The following FNBP1 variants were observed in gnomAD, a reference collection of about 807,000 sequenced individuals.
FNBP1 encodes formin-binding protein 1.
A neutral mutation model predicts 90.6 loss-of-function variants in FNBP1; 26 were observed. That is an observed-to-expected ratio of 0.29 (90% CI 0.21 to 0.40). The LOEUF (loss-of-function observed/expected upper bound fraction) is 0.40. Among genes scored for constraint, FNBP1 ranks in the 10% least tolerant of loss-of-function variants. The pLI, the probability that FNBP1 is intolerant of heterozygous loss-of-function variation, is 1.00. For synonymous variants in FNBP1, 260 were observed against 265.2 expected, an observed-to-expected ratio of 0.98 and a Z score of 0.19; for missense variants, 635 against 768.0, an observed-to-expected ratio of 0.83 and a Z score of 2.05.
At chr9:129,925,589 C>CTTTTTTTTTTTT (rs576015094) in intron 8 of FNBP1, among the ~76,000 whole-genome samples, 1 of 67,114 alleles carries the variant, frequency 1.5e-5, no homozygotes, top group African/African-American at 5.8e-5. Flanking sequence ...TTCCTAGTAG[C>CTTTTTTTTTTTT]TTTTTTTTTT....
chr9:129,915,938 A>C (rs752976744), intron 11 of FNBP1, 28 bp downstream of exon 11: 1 of 1,583,616 alleles, frequency 6.3e-7, no homozygotes, highest in Non-Finnish European at 8.7e-7. Context: ...GATTAGACTC[A>C]GGACATGCAT....
At chr9:129,924,457 T>C (rs2041582679) in intron 9 of FNBP1, among the ~76,000 whole-genome samples, 1 of 152,240 alleles carries the variant, frequency 6.6e-6, no homozygotes, top group African/African-American at 2.4e-5. Flanking sequence ...GTTAAAGCAG[T>C]AATGCTGCCT....
At chr9:129,990,516 A>G (rs1171501625) in intron 2 of FNBP1, among the ~76,000 whole-genome samples, 1 of 152,238 alleles carries the variant, frequency 6.6e-6, no homozygotes, top group Non-Finnish European at 1.5e-5. Context: ...GTATGGTTAC[A>G]GCAGAGAGGA....
At chr9:129,919,079 G>T in intron 10 of FNBP1, 1 of 472,860 alleles carries the variant, frequency 2.1e-6, no homozygotes, top group African/African-American at 2.0e-5. Flanking sequence ...AAGTGCCTCT[G>T]GGTCCCCAGT....
chr9:130,009,572 G>T (rs1194579589), intron 1 of FNBP1, among the ~76,000 whole-genome samples: 1 of 152,082 alleles, frequency 6.6e-6, no homozygotes. Flanking sequence ...GGAGACCAAG[G>T]CGGGCGGATC....
intron 1 of FNBP1, among the ~76,000 whole-genome samples, chr9:130,038,583 G>C (rs1483225790): frequency 1.3e-5 from 2 of 151,912 alleles, no homozygotes; most frequent in Non-Finnish European, 2.9e-5. Context: ...TTTTAGTAGA[G>C]ATGGGGTTTC....
At chr9:129,910,999 C>T (rs963597728) in intron 11 of FNBP1, among the ~76,000 whole-genome samples, 1 of 152,168 alleles carries the variant, frequency 6.6e-6, no homozygotes, top group East Asian at 1.9e-4. Flanking sequence ...ACTTGTTTTC[C>T]GTATACTATG....
chr9:129,991,548 G>A (rs74648997), intron 2 of FNBP1, among the ~76,000 whole-genome samples: 1 of 152,128 alleles, frequency 6.6e-6, no homozygotes, highest in Non-Finnish European at 1.5e-5. Context: ...GATTTTAGGT[G>A]TGAGCCACTT....
chr9:130,016,729 G>A (rs966057733), intron 1 of FNBP1, among the ~76,000 whole-genome samples: 2 of 152,134 alleles, frequency 1.3e-5, no homozygotes, highest in Non-Finnish European at 1.5e-5. Flanking sequence ...GACAACAAGA[G>A]CAAAACTCTG....
intron 13 of FNBP1, among the ~76,000 whole-genome samples, chr9:129,901,992 T>C (rs774972467): frequency 5.3e-5 from 8 of 152,216 alleles, no homozygotes; most frequent in Non-Finnish European, 1.0e-4. Flanking sequence ...CGGTTGCTAA[T>C]GTATTTTTCC....
chr9:129,975,151 G>A (rs899245711), intron 4 of FNBP1, among the ~76,000 whole-genome samples: 1 of 152,104 alleles, frequency 6.6e-6, no homozygotes, highest in Non-Finnish European at 1.5e-5. Flanking sequence ...CCCAGAAGGC[G>A]GAGGCTGCAG....
At position 130,043,030 on chromosome 9, in the gene FNBP1, C is replaced by A; in HGVS notation, c.-55G>T. 8.2e-7 allele frequency: 1 copy of A among 1,222,950 alleles called. No individual in the cohort carries two copies. Among genetic ancestry groups the A allele is most frequent in the Non-Finnish European group, 1.0e-6 (1 of 981,874 alleles). 75.8% of individuals were successfully genotyped at this position (1,222,950 alleles called of 1,614,324 possible). ...GCGGCGGGCGCGGCTCTCTGGTCCC[C>A]CTCCCCGGCGATCCCTTTGCCCCCC... On this transcript the variant is annotated 5_prime_UTR_variant, in exon 1 of 17. Transcript: ENST00000446176.
the FNBP1 span, chr9:130,053,410 G>C: frequency 6.4e-6 from 1 of 156,614 alleles, no homozygotes; most frequent in African/African-American, 2.4e-5. Context: ...TGCCTCATAA[G>C]GGCTCAATCA....
intron 1 of FNBP1, among the ~76,000 whole-genome samples, chr9:130,027,504 A>G (rs1247447685): frequency 6.6e-6 from 1 of 152,228 alleles, no homozygotes; most frequent in East Asian, 1.9e-4. Flanking sequence ...TAGTGTTAAT[A>G]CTATCTATTA....
intron 2 of FNBP1, among the ~76,000 whole-genome samples, chr9:129,981,970 T>C (rs2051327720): frequency 6.6e-6 from 1 of 152,240 alleles, no homozygotes; most frequent in South Asian, 2.1e-4. Flanking sequence ...AACTATGACA[T>C]GCTTTCTCTG....
At chr9:129,937,139 C>T (rs946339518) in intron 6 of FNBP1, among the ~76,000 whole-genome samples, 1 of 151,082 alleles carries the variant, frequency 6.6e-6, no homozygotes, top group Non-Finnish European at 1.5e-5. Flanking sequence ...CACTGCACTC[C>T]AGCCTGGGGG....
At chr9:130,002,309 A>G (rs534649531) in intron 1 of FNBP1, among the ~76,000 whole-genome samples, 2 of 152,362 alleles carry the variant, frequency 1.3e-5, no homozygotes, top group East Asian at 1.9e-4. Context: ...CTGTGTATAC[A>G]TACTGCTATA....
rs75404187 is a variant in FNBP1, at chr9:129,951,440, A to G, written c.513+5920T>C. On this transcript the variant is annotated intron_variant, in intron 6 of 16. Coordinates refer to ENST00000446176, the MANE Select transcript of FNBP1 (RefSeq NM_015033.3). ...TTTCTATTTATTTATTTATTTATTT[A>G]TTTGTTTGTTTGTTTGTTTGAGACA... Among the ~76,000 whole-genome samples, 712 of 148,900 alleles carry G rather than the reference A, an allele frequency of 4.8e-3. 3 individuals are homozygous for G. The highest frequency in any genetic ancestry group is 0.01 in the South Asian group (49 of 4,688).
chr9:130,048,801 A>G, the FNBP1 span, among the ~76,000 whole-genome samples: 1 of 69,158 alleles, frequency 1.4e-5, no homozygotes, highest in Non-Finnish European at 2.9e-5. Flanking sequence ...TTTTTTTGAG[A>G]TAAGAGTCTG....
Sources: allele counts gnomAD v4.1 joint callset (sites outside exome capture counted in the v4.1 genomes callset), GRCh38; gene constraint gnomAD v4.1.1; transcripts MANE v1.5; gene names NCBI Gene and HGNC (gene_info 2026-07-23, HGNC 2026-07-21).